The following OTOGL variants were observed in gnomAD, a reference collection of about 807,000 sequenced individuals.
The protein encoded by OTOGL is otogelin-like protein.
A neutral mutation model predicts 318.5 loss-of-function variants in OTOGL; 285 were observed. That is an observed-to-expected ratio of 0.89 (90% CI 0.81 to 0.99). The LOEUF is 0.99. Among genes scored for constraint, OTOGL ranks in the 50% least tolerant of loss-of-function variants. OTOGL has a pLI of 0.00. For missense variants in OTOGL, 2,899 were observed against 2,845.6 expected (o/e 1.02, Z -0.43); for synonymous variants, 987 against 936.5 (o/e 1.05, Z -0.99).
chr12:80,209,605 G>C, intron 2 of OTOGL, 95 bp downstream of exon 2: 1 of 795,740 alleles, frequency 1.3e-6, no homozygotes, highest in Non-Finnish European at 1.9e-6. Context: ...GCACTTTGAA[G>C]TCATTAGAAT....
intron 1 of OTOGL, among the ~76,000 whole-genome samples, chr12:80,166,379 A>G (rs1873831990): frequency 1.3e-5 from 2 of 152,112 alleles, no homozygotes; most frequent in Admixed American, 1.3e-4. Context: ...AATTATTTTC[A>G]TTTGTGTAAT....
intron 1 of OTOGL, among the ~76,000 whole-genome samples, chr12:80,170,180 T>G (rs13377706): frequency 5.1e-4 from 54 of 105,568 alleles, no homozygotes; most frequent in South Asian, 2.5e-3. Context: ...TTGTCAGGGG[T>G]GTGTGTGTGT....
At chr12:80,284,524 A>T (rs1349337193) in intron 26 of OTOGL, among the ~76,000 whole-genome samples, 1 of 152,128 alleles carries the variant, frequency 6.6e-6, no homozygotes, top group Non-Finnish European at 1.5e-5. Context: ...ATTTCTCCAC[A>T]TCCTCTCCAG....
At position 80,333,055 on chromosome 12, in the gene OTOGL, C is replaced by G; in HGVS notation, c.4399C>G (p.Pro1467Ala). ...CATCACTGTGTTTGATATGCTAACA[C>G]CAACTACAGGCTTGGAATGTGAGGT... ...SDITVFDMLT[P>A]TTGLECEPQK... is the part of the protein sequence containing the mutation. Residue 1467 changes from proline to alanine, a missense_variant, in exon 38 of 59, where the codon CCA (proline) becomes GCA (alanine). Physicochemically the swap from Pro to Ala is conservative, Grantham distance 27. Transcript: ENST00000547103. 1 of 1,601,784 alleles carries G rather than the reference C, an allele frequency of 6.2e-7. No individual in the cohort carries two copies. Among genetic ancestry groups the G allele is most frequent in the Non-Finnish European group, 8.5e-7 (1 of 1,173,096 alleles).
At chr12:80,238,749 G>A in intron 9 of OTOGL, 102 bp from the exon 10 acceptor site, 4 of 1,245,352 alleles carry the variant, frequency 3.2e-6, no homozygotes, top group Non-Finnish European at 4.1e-6. Flanking sequence ...TGAGTTTAAT[G>A]TTTTGACCAG....
chr12:80,222,302 T>C, intron 7 of OTOGL, 57 bp downstream of exon 7: 1 of 1,429,156 alleles, frequency 7.0e-7, no homozygotes, highest in South Asian at 1.3e-5. Flanking sequence ...AAAGTATGTA[T>C]TTTTAAAGTA....
intron 11 of OTOGL, among the ~76,000 whole-genome samples, chr12:80,239,914 C>T (rs1411058507): frequency 2.2e-5 from 3 of 137,582 alleles, no homozygotes; most frequent in Non-Finnish European, 4.8e-5. Flanking sequence ...TGGTAACCAC[C>T]AATCTACACT....
intron 24 of OTOGL, among the ~76,000 whole-genome samples, chr12:80,274,693 C>A (rs1883663787): frequency 6.6e-6 from 1 of 151,960 alleles, no homozygotes; most frequent in Non-Finnish European, 1.5e-5. Flanking sequence ...GAAGACAATG[C>A]TTGGCTTCAA....
At position 80,318,680 on chromosome 12, in the gene OTOGL, A is replaced by G. The variant is rs1294565925; in HGVS notation, c.3769A>G (p.Ile1257Val). ...TACCAGTTTATTTTTTTATTTTATGATCACTCCAGGCCTTTTCAAAGAGAA... is the reference window on the plus strand; with the variant it reads ...TACCAGTTTATTTTTTTATTTTATGGTCACTCCAGGCCTTTTCAAAGAGAA... The part of the protein sequence containing the change: ...VHTSLFFYFM[I>V]TPGLFKEKVS... The change falls in exon 33 of 59, where the codon ATC becomes GTC. Residue 1257 changes from isoleucine (I) to valine (V), a missense_variant. Ile to Val is a conservative substitution (Grantham distance 29). Coordinates refer to ENST00000547103, the MANE Select transcript of OTOGL (RefSeq NM_001378609.3). The G allele has an allele frequency of 4.9e-6, 7 of 1,429,492 alleles. No individual in the cohort carries two copies. Among genetic ancestry groups the G allele is most frequent in the Non-Finnish European group, 5.5e-6 (6 of 1,086,144 alleles). 88.6% of individuals were successfully genotyped at this position (1,429,492 alleles called of 1,614,324 possible). A position where few individuals can be genotyped will look rare whatever the true frequency, so the allele number is the denominator to read the frequency against.
chr12:80,373,276 A>T (rs557979365), intron 57 of OTOGL, among the ~76,000 whole-genome samples: 2 of 152,148 alleles, frequency 1.3e-5, no homozygotes, highest in African/African-American at 4.8e-5. Context: ...TACTAAAAAT[A>T]CAAAAATTAG....
Position 80,353,118 on chromosome 12 carries a change from G to T in OTOGL, c.5408-207G>T, listed in dbSNP as rs567608163. On this transcript the variant is annotated intron_variant, in intron 45 of 58. Transcript: ENST00000547103. ...TAATCCTAGCAGACCCTTAGAAAAT[G>T]TTTAAAAATTACAAAAAATGCAAAA... 5.9e-4 allele frequency among the ~76,000 whole-genome samples: 90 copies of T among 152,182 alleles called. 3 individuals are homozygous for T. In the Middle Eastern group the frequency reaches 0.02, roughly 35 times the overall value.
chr12:80,283,954 C>G (rs760608088), intron 26 of OTOGL, among the ~76,000 whole-genome samples: 9 of 151,964 alleles, frequency 5.9e-5, no homozygotes, highest in Non-Finnish European at 1.0e-4. Context: ...TGGTTTGCTA[C>G]ACCCATCAAC....
At chr12:80,259,689 A>G (rs546623212) in intron 18 of OTOGL, among the ~76,000 whole-genome samples, 2 of 152,220 alleles carry the variant, frequency 1.3e-5, no homozygotes, top group African/African-American at 4.8e-5. Context: ...AGCTTCATCT[A>G]CGTCCCTGCA....
intron 1 of OTOGL, among the ~76,000 whole-genome samples, chr12:80,129,206 T>C (rs183013944): frequency 6.6e-5 from 10 of 152,350 alleles, no homozygotes; most frequent in African/African-American, 9.6e-5. Context: ...CTGGATTTTA[T>C]AAAGCAATTA....
intron 1 of OTOGL, among the ~76,000 whole-genome samples, chr12:80,195,749 C>T (rs1404457436): frequency 1.3e-5 from 2 of 152,068 alleles, no homozygotes; most frequent in African/African-American, 4.8e-5. Flanking sequence ...CCTGAATGCC[C>T]ATTATTAAAT....
At chr12:80,163,116 TTTTTA>T (rs1435662663) in intron 1 of OTOGL, among the ~76,000 whole-genome samples, 2 of 151,686 alleles carry the variant, frequency 1.3e-5, no homozygotes, top group Admixed American at 6.6e-5. Flanking sequence ...TCCAGGAGAG[TTTTTA>T]TTTTATTTAT....
chr12:80,364,899 C>T (rs2138065003), intron 52 of OTOGL, among the ~76,000 whole-genome samples: 1 of 152,144 alleles, frequency 6.6e-6, no homozygotes, highest in South Asian at 2.1e-4. Flanking sequence ...CATTTAAATA[C>T]AAATCAGAAC....
At chr12:80,106,091 T>A (rs1869439861) in intron 1 of OTOGL, among the ~76,000 whole-genome samples, 1 of 152,220 alleles carries the variant, frequency 6.6e-6, no homozygotes, top group South Asian at 2.1e-4. Context: ...TGCTGCAGTA[T>A]ATCCACTAAA....
chr12:80,356,970 C>A (rs930441521), intron 49 of OTOGL, 56 bp downstream of exon 49: 24 of 748,916 alleles, frequency 3.2e-5, no homozygotes, highest in African/African-American at 2.8e-4. Flanking sequence ...GGAAAAAAAT[C>A]TCTTATTTGA....
Sources: allele counts gnomAD v4.1 joint callset (sites outside exome capture counted in the v4.1 genomes callset), GRCh38; gene constraint gnomAD v4.1.1; transcripts MANE v1.5; gene names NCBI Gene and HGNC (gene_info 2026-07-23, HGNC 2026-07-21).